The following AOAH variants were observed in gnomAD, a reference collection of about 807,000 sequenced individuals.
The protein encoded by AOAH is acyloxyacyl hydrolase.
Under a neutral mutation model 92.2 loss-of-function variants are expected in AOAH, and 64 were observed. The observed-to-expected ratio is 0.69, with a 90% confidence interval of 0.57 to 0.86. The LOEUF is 0.86. Among genes scored for constraint, AOAH ranks in the 40% least tolerant of loss-of-function variants. The probability of loss-of-function intolerance (pLI) is 0.00; values close to 1 mark genes in which losing one functional copy is unlikely to be tolerated. For synonymous variants in AOAH, 263 were observed against 254.5 expected (o/e 1.03, Z -0.32); for missense variants, 656 against 694.6 (o/e 0.94, Z 0.62).
intron 20 of AOAH, among the ~76,000 whole-genome samples, chr7:36,518,562 C>T (rs558638287): frequency 7.2e-5 from 11 of 152,282 alleles, no homozygotes; most frequent in Non-Finnish European, 1.3e-4. Context: ...AGGAGGTCAT[C>T]GGCTGCCCTA....
chr7:36,522,137 G>A (rs1185891136), intron 19 of AOAH, 22 bp from the exon 20 acceptor site: 1 of 1,611,226 alleles, frequency 6.2e-7, no homozygotes, highest in Admixed American at 1.7e-5. Context: ...ATAACGAGAG[G>A]GTTACAGACA....
intron 16 of AOAH, among the ~76,000 whole-genome samples, chr7:36,539,253 A>G (rs1785266670): frequency 6.6e-6 from 1 of 152,152 alleles, no homozygotes; most frequent in African/African-American, 2.4e-5. Flanking sequence ...GACTGCCAGC[A>G]CCTTTTAGTG....
chr7:36,554,510 A>G, intron 13 of AOAH, among the ~76,000 whole-genome samples: 1 of 152,168 alleles, frequency 6.6e-6, no homozygotes, highest in Non-Finnish European at 1.5e-5. Flanking sequence ...GTTTTTTCCA[A>G]TTCTGTGAAG....
chr7:36,690,034 C>A, intron 1 of AOAH: 1 of 338,822 alleles, frequency 3.0e-6, no homozygotes. Flanking sequence ...TAATCCGTGG[C>A]TTAGAAGGAT....
rs570370121 is a variant in AOAH at position 36,707,896 on chromosome 7, G to T, written c.127+16126C>A. The stretch of plus-strand genomic sequence containing the variant: ...AGACAGGGTCTTTTTCTGTTTCCCA[G>T]GCTCAAGAGATCCTCCCACCTCAGC... On this transcript the variant is annotated intron_variant, in intron 1 of 20. Coordinates refer to ENST00000617537, the MANE Select transcript of AOAH (RefSeq NM_001637.4). Among the ~76,000 whole-genome samples, 13 of 151,770 alleles carry T rather than the reference G, an allele frequency of 8.6e-5. 1 individual carries two copies. Among genetic ancestry groups the T allele is most frequent in the Admixed American group, 8.5e-4 (13 of 15,230 alleles).
intron 20 of AOAH, among the ~76,000 whole-genome samples, chr7:36,519,673 A>C (rs1341159611): frequency 6.6e-6 from 1 of 152,048 alleles, no homozygotes; most frequent in African/African-American, 2.4e-5. Context: ...CAGGTGATCC[A>C]CTCACCTTGG....
At chr7:36,703,535 C>T (rs1003355532) in intron 1 of AOAH, among the ~76,000 whole-genome samples, 2 of 152,218 alleles carry the variant, frequency 1.3e-5, no homozygotes, top group East Asian at 1.9e-4. Context: ...CTAATGCTAT[C>T]CCTCCCCTTG....
intron 15 of AOAH, 79 bp from the exon 16 acceptor site, chr7:36,540,570 C>T: frequency 8.0e-7 from 1 of 1,247,686 alleles, no homozygotes; most frequent in Non-Finnish European, 1.1e-6. Flanking sequence ...ATACAAGATA[C>T]ATCACACACA....
chr7:36,676,819 C>A (rs1050187474), intron 2 of AOAH, among the ~76,000 whole-genome samples: 1 of 152,102 alleles, frequency 6.6e-6, no homozygotes, highest in African/African-American at 2.4e-5. Flanking sequence ...GTCAAAAGTG[C>A]AAAGACCATT....
intron 2 of AOAH, among the ~76,000 whole-genome samples, chr7:36,675,649 A>G (rs1301117767): frequency 6.6e-6 from 1 of 152,220 alleles, no homozygotes; most frequent in Non-Finnish European, 1.5e-5. Context: ...TAACTTATTT[A>G]TGAGGTTAAT....
chr7:36,593,654 G>A (rs1220632739), intron 12 of AOAH, among the ~76,000 whole-genome samples: 2 of 152,226 alleles, frequency 1.3e-5, no homozygotes, highest in African/African-American at 2.4e-5. Flanking sequence ...GAGATGTTGG[G>A]AGAGAAATTG....
At chr7:36,642,602 G>T (rs80241205) in intron 4 of AOAH, among the ~76,000 whole-genome samples, 4,754 of 152,200 alleles carry the variant, frequency 0.031, 97 homozygotes, top group Non-Finnish European at 0.048. Context: ...TTTTGTTCTC[G>T]ACCTTGAGCT....
intron 1 of AOAH, among the ~76,000 whole-genome samples, chr7:36,704,479 T>C (rs535922475): frequency 6.6e-6 from 1 of 152,282 alleles, no homozygotes; most frequent in Admixed American, 6.5e-5. Context: ...TAACAAGTTC[T>C]GAAACTGAGG....
intron 19 of AOAH, among the ~76,000 whole-genome samples, chr7:36,524,274 T>A (rs1388724526): frequency 6.6e-6 from 1 of 152,012 alleles, no homozygotes; most frequent in Admixed American, 6.6e-5. Flanking sequence ...ATTCCTGTGT[T>A]GAAACCCTAA....
At chr7:36,561,814 A>C (rs1369044560) in intron 13 of AOAH, among the ~76,000 whole-genome samples, 1 of 152,164 alleles carries the variant, frequency 6.6e-6, no homozygotes, top group African/African-American at 2.4e-5. Context: ...ACACCCACAG[A>C]GCTTGAGGAA....
chr7:36,656,477 T>G (rs1422948554), intron 4 of AOAH, among the ~76,000 whole-genome samples: 2 of 151,966 alleles, frequency 1.3e-5, no homozygotes, highest in Non-Finnish European at 2.9e-5. Flanking sequence ...TAATGTTAGG[T>G]CAGCTGAGAG....
chr7:36,644,506 A>G (rs2116381930), intron 4 of AOAH, among the ~76,000 whole-genome samples: 1 of 152,330 alleles, frequency 6.6e-6, no homozygotes, highest in East Asian at 1.9e-4. Flanking sequence ...CCATTCAGCT[A>G]TATTGACTAC....
At chr7:36,547,972 T>G (rs1032230339) in intron 15 of AOAH, among the ~76,000 whole-genome samples, 5 of 152,144 alleles carry the variant, frequency 3.3e-5, no homozygotes, top group African/African-American at 1.2e-4. Flanking sequence ...GAGATCGATG[T>G]TCTTATGGGG....
chr7:36,619,937 T>C (rs1188849707), intron 9 of AOAH, among the ~76,000 whole-genome samples: 1 of 152,086 alleles, frequency 6.6e-6, no homozygotes, highest in East Asian at 1.9e-4. Flanking sequence ...AATCTTAAGC[T>C]TCAGGGCCCA....
Sources: allele counts gnomAD v4.1 joint callset (sites outside exome capture counted in the v4.1 genomes callset), GRCh38; gene constraint gnomAD v4.1.1; transcripts MANE v1.5; gene names NCBI Gene and HGNC (gene_info 2026-07-23, HGNC 2026-07-21).